The following TAMM41 variants were observed in gnomAD, a reference collection of about 807,000 sequenced individuals.
TAMM41 encodes the protein phosphatidate cytidylyltransferase, mitochondrial.
Under a neutral mutation model 44.1 loss-of-function variants are expected in TAMM41, and 36 were observed. That is an observed-to-expected ratio of 0.82 (90% CI 0.63 to 1.08). TAMM41 has a LOEUF of 1.08. Among genes scored for constraint, TAMM41 ranks in the 50% least tolerant of loss-of-function variants. The pLI is 0.00. For synonymous variants in TAMM41, 164 were observed against 153.1 expected (o/e 1.07, Z -0.53); for missense variants, 417 against 404.3 (o/e 1.03, Z -0.27).
chr3:11,746,828 G>A, the TAMM41 span, among the ~76,000 whole-genome samples: 1 of 145,080 alleles, frequency 6.9e-6, no homozygotes, highest in Non-Finnish European at 1.5e-5. Context: ...TAGAGACAGG[G>A]TCTCAGTATG....
chr3:11,839,409 C>A, intron 2 of TAMM41, 95 bp from the exon 3 acceptor site: 1 of 763,216 alleles, frequency 1.3e-6, no homozygotes, highest in Non-Finnish European at 2.1e-6. Context: ...AATTCTTGAC[C>A]AGAGCAGTAC....
At chr3:11,846,371 T>C in intron 1 of TAMM41, 131 bp downstream of exon 1, 1 of 1,070,640 alleles carries the variant, frequency 9.3e-7, no homozygotes, top group East Asian at 2.4e-5. Context: ...GGCAGGCCTA[T>C]GGTTCACTCT....
chr3:11,835,593 C>T (rs1243452298), intron 3 of TAMM41, among the ~76,000 whole-genome samples: 3 of 152,208 alleles, frequency 2.0e-5, no homozygotes, highest in African/African-American at 4.8e-5. Context: ...ATTTCCAGTG[C>T]TTACATTCTG....
chr3:11,799,053 AAAAACAAAAAC>A (rs1170389891), intron 7 of TAMM41, among the ~76,000 whole-genome samples: 1 of 152,132 alleles, frequency 6.6e-6, no homozygotes, highest in African/African-American at 2.4e-5. Flanking sequence ...CATCTCTACA[AAAAACAAAAAC>A]AAAACAAAAA....
intron 3 of TAMM41, among the ~76,000 whole-genome samples, chr3:11,835,081 A>G (rs1227954793): frequency 6.6e-6 from 1 of 152,230 alleles, no homozygotes; most frequent in Non-Finnish European, 1.5e-5. Flanking sequence ...AGACAATGTA[A>G]TTTAATGTGA....
At chr3:11,733,843 A>G in the TAMM41 span, among the ~76,000 whole-genome samples, 2 of 151,952 alleles carry the variant, frequency 1.3e-5, no homozygotes, top group African/African-American at 4.8e-5. Flanking sequence ...CCAAACAGGT[A>G]TTCTGGAAGA....
intron 7 of TAMM41, among the ~76,000 whole-genome samples, chr3:11,806,132 C>G (rs1158862839): frequency 1.3e-5 from 2 of 152,220 alleles, no homozygotes; most frequent in Non-Finnish European, 2.9e-5. Context: ...TCAATTAAAC[C>G]TCTTTCCTTT....
the TAMM41 span, among the ~76,000 whole-genome samples, chr3:11,748,157 G>A: frequency 1.3e-5 from 2 of 152,146 alleles, no homozygotes; most frequent in African/African-American, 4.8e-5. Flanking sequence ...TTACAGGCGG[G>A]AGCCACCACG....
chr3:11,743,872 C>T, the TAMM41 span, among the ~76,000 whole-genome samples: 2 of 152,170 alleles, frequency 1.3e-5, no homozygotes, highest in South Asian at 2.1e-4. Context: ...AACTGCAGAC[C>T]TAGTATCCCC....
At chr3:11,831,161 C>A (rs930949085) in intron 3 of TAMM41, among the ~76,000 whole-genome samples, 1 of 152,164 alleles carries the variant, frequency 6.6e-6, no homozygotes, top group Non-Finnish European at 1.5e-5. Context: ...TCTGGGCCAG[C>A]GGTTCTCATC....
At chr3:11,769,445 T>C in the TAMM41 span, among the ~76,000 whole-genome samples, 1 of 151,094 alleles carries the variant, frequency 6.6e-6, no homozygotes, top group East Asian at 1.9e-4. Flanking sequence ...GTTGGATGGA[T>C]TAAGGGGTCA....
intron 1 of TAMM41, among the ~76,000 whole-genome samples, chr3:11,844,705 T>C (rs2079595637): frequency 6.6e-6 from 1 of 152,212 alleles, no homozygotes; most frequent in Non-Finnish European, 1.5e-5. Context: ...GGATAAACTC[T>C]ACAAAATACT....
In TAMM41 at chr3:11,817,249, G is replaced by C. The variant is rs747510124; in HGVS notation, c.651C>G (p.Gly217=). The change falls in exon 5 of 8, where the codon GGC becomes GGG. Residue 217 remains glycine, a synonymous_variant. Coordinates refer to ENST00000455809, the MANE Select transcript of TAMM41 (RefSeq NM_001284401.2). ...CTTGAGGATTTTCCTGTAGTATGCT[G>C]CCATAGAGCTCTCGAAAGTGGGCTA... ...PNIAHFRELY[G]SILQENPQVV... 1.2e-6 allele frequency: 2 copies of C among 1,613,450 alleles called. No individual in the cohort carries two copies. Among genetic ancestry groups the C allele is most frequent in the South Asian group, 2.2e-5 (2 of 90,980 alleles).
intron 4 of TAMM41, among the ~76,000 whole-genome samples, chr3:11,821,839 C>A (rs1179974788): frequency 6.6e-6 from 1 of 152,026 alleles, no homozygotes; most frequent in Non-Finnish European, 1.5e-5. Flanking sequence ...CCAGGTTGGG[C>A]AACCCTAATC....
chr3:11,829,986 T>A, intron 3 of TAMM41, 122 bp from the exon 4 acceptor site: 1 of 923,868 alleles, frequency 1.1e-6, no homozygotes, highest in Non-Finnish European at 1.6e-6. Flanking sequence ...GAATACTGGT[T>A]CAGGTGACAC....
At chr3:11,753,854 G>A in the TAMM41 span, among the ~76,000 whole-genome samples, 7 of 152,280 alleles carry the variant, frequency 4.6e-5, no homozygotes, top group South Asian at 2.1e-4. Context: ...TATGTCTGAC[G>A]TGAAGAAGGA....
chr3:11,749,067 C>G, the TAMM41 span, among the ~76,000 whole-genome samples: 1 of 151,834 alleles, frequency 6.6e-6, no homozygotes, highest in African/African-American at 2.4e-5. Flanking sequence ...CATGCACCAC[C>G]ACACCTGGCT....
At chr3:11,810,646 G>GT (rs2078059255) in intron 5 of TAMM41, 1 of 152,144 alleles carries the variant, frequency 6.6e-6, no homozygotes, top group Non-Finnish European at 1.5e-5. Context: ...TAAGAGAAGA[G>GT]TAAGAAAAAA....
chr3:11,842,707 G>GGA (rs1553589676), intron 2 of TAMM41, among the ~76,000 whole-genome samples: 1 of 147,996 alleles, frequency 6.8e-6, no homozygotes, highest in Non-Finnish European at 1.5e-5. Context: ...AAAAGAAAAA[G>GGA]AAAAAAAAAA....
Sources: allele counts gnomAD v4.1 joint callset (sites outside exome capture counted in the v4.1 genomes callset), GRCh38; gene constraint gnomAD v4.1.1; transcripts MANE v1.5; gene names NCBI Gene and HGNC (gene_info 2026-07-23, HGNC 2026-07-21).